The following PCDHA1 variants were observed in gnomAD, a reference collection of about 807,000 sequenced individuals.
The protein encoded by PCDHA1 is protocadherin alpha-1.
Under a neutral mutation model 61.3 loss-of-function variants are expected in PCDHA1, and 42 were observed. The ratio of observed to expected loss-of-function variants is 0.69; its 90% CI spans 0.54 to 0.89. PCDHA1 has a LOEUF of 0.89. Ranked by LOEUF, PCDHA1 falls within the 40% of genes least tolerant of loss-of-function variation. The pLI is 0.00. For synonymous variants in PCDHA1, 610 were observed against 553.8 expected, an observed-to-expected ratio of 1.10 and a Z score of -1.43; for missense variants, 1,256 against 1,235.3, an observed-to-expected ratio of 1.02 and a Z score of -0.25.
At chr5:140,948,564 T>C (rs1329949756) in intron 1 of PCDHA1, among the ~76,000 whole-genome samples, 1 of 151,688 alleles carries the variant, frequency 6.6e-6, no homozygotes, top group Non-Finnish European at 1.5e-5. Flanking sequence ...TTAAGTTGTA[T>C]TTTTTAAAGG....
chr5:140,800,006 T>C (rs1361843384), intron 1 of PCDHA1, among the ~76,000 whole-genome samples: 3 of 152,136 alleles, frequency 2.0e-5, no homozygotes, highest in Non-Finnish European at 4.4e-5. Context: ...TGTTCCTAGG[T>C]TACTTTTCTC....
intron 1 of PCDHA1, chr5:140,842,143 T>C: frequency 6.2e-7 from 1 of 1,613,830 alleles, no homozygotes; most frequent in Non-Finnish European, 8.5e-7. Flanking sequence ...AAGGAGCCAA[T>C]GGGGCAATTT....
intron 3 of PCDHA1, among the ~76,000 whole-genome samples, chr5:140,999,478 T>C (rs2097859281): frequency 6.6e-6 from 1 of 152,172 alleles, no homozygotes; most frequent in Non-Finnish European, 1.5e-5. Flanking sequence ...AGATTCCAAC[T>C]CAAGTCTATG....
intron 3 of PCDHA1, among the ~76,000 whole-genome samples, chr5:140,993,470 ACAC>A: frequency 8.7e-6 from 1 of 115,268 alleles, no homozygotes; most frequent in South Asian, 2.9e-4. Context: ...TCTCACACAC[ACAC>A]ACACACACAC....
At chr5:140,869,304 G>A (rs1554162871) in intron 1 of PCDHA1, 3 of 1,613,648 alleles carry the variant, frequency 1.9e-6, no homozygotes, top group South Asian at 1.1e-5. Context: ...TCCGGGTGGC[G>A]TCCAAAACAC....
chr5:140,928,458 T>C lies in PCDHA1; in HGVS notation c.2395-50491T>C, dbSNP rs1030560254. On this transcript the variant is annotated intron_variant, in intron 1 of 3. Coordinates refer to ENST00000504120, the MANE Select transcript of PCDHA1 (RefSeq NM_018900.4). Reference sequence around the variant, plus strand: ...ACTTTGAGCAGCTCAGGGGGTTTCATTTCCAAGTAGAAGGCCGGGATGGTG... The same window carrying C: ...ACTTTGAGCAGCTCAGGGGGTTTCACTTCCAAGTAGAAGGCCGGGATGGTG... 3.1e-6 allele frequency: 5 copies of C among 1,614,048 alleles called. No homozygotes were observed. In the African/African-American group the frequency reaches 5.3e-5, roughly 17 times the overall value.
chr5:140,885,509 T>C (rs1020233501), intron 1 of PCDHA1, among the ~76,000 whole-genome samples: 36 of 152,208 alleles, frequency 2.4e-4, no homozygotes, highest in Admixed American at 1.4e-3. Flanking sequence ...TGAACCATGC[T>C]GTGCTATCAT....
chr5:140,941,673 A>T (rs1217189957), intron 1 of PCDHA1, among the ~76,000 whole-genome samples: 1 of 152,024 alleles, frequency 6.6e-6, no homozygotes, highest in Non-Finnish European at 1.5e-5. Context: ...TGTCAAGTTC[A>T]ATATTCTGTT....
At chr5:140,836,560 C>T (rs2150264075) in intron 1 of PCDHA1, 2 of 1,613,740 alleles carry the variant, frequency 1.2e-6, no homozygotes, top group South Asian at 1.1e-5. Flanking sequence ...TGCTCAGCGC[C>T]GTCCTCTGAG....
chr5:140,922,162 A>G (rs2080680842), intron 1 of PCDHA1, among the ~76,000 whole-genome samples: 1 of 146,764 alleles, frequency 6.8e-6, no homozygotes, highest in African/African-American at 2.5e-5. Flanking sequence ...AAAAACAACA[A>G]AAAGTACAGC....
chr5:140,926,884 A>G, intron 1 of PCDHA1: 7 of 1,542,402 alleles, frequency 4.5e-6, no homozygotes, highest in Non-Finnish European at 6.1e-6. Flanking sequence ...GTGGACGCCT[A>G]GAGGGAGGAT....
chr5:140,801,305 T>C, intron 1 of PCDHA1: 1 of 1,613,446 alleles, frequency 6.2e-7, no homozygotes, highest in South Asian at 1.1e-5. Flanking sequence ...ACTCCGTCTC[T>C]GAGGAGGCCA....
At chr5:140,802,841 C>A (rs782694897) in intron 1 of PCDHA1, 27 of 1,613,536 alleles carry the variant, frequency 1.7e-5, no homozygotes, top group Non-Finnish European at 2.2e-5. Context: ...TGGGCAGCAA[C>A]GTGACGCTGC....
At chr5:140,819,185 T>A (rs1365698503) in intron 1 of PCDHA1, among the ~76,000 whole-genome samples, 2 of 152,188 alleles carry the variant, frequency 1.3e-5, no homozygotes, top group African/African-American at 4.8e-5. Context: ...AAATGACATA[T>A]GTGCATAAAT....
At chr5:140,963,210 C>T (rs1200019403) in intron 1 of PCDHA1, among the ~76,000 whole-genome samples, 1 of 151,742 alleles carries the variant, frequency 6.6e-6, no homozygotes, top group East Asian at 1.9e-4. Flanking sequence ...AAAAAAACCT[C>T]GTGTTTAGAG....
intron 1 of PCDHA1, among the ~76,000 whole-genome samples, chr5:140,899,128 T>A (rs1217010779): frequency 3.9e-5 from 6 of 152,160 alleles, no homozygotes; most frequent in Non-Finnish European, 7.3e-5. Context: ...CAATCATGTC[T>A]TCTGCAAACA....
rs374163229 is a variant in PCDHA1 at position 140,870,784 on chromosome 5, G to C, written c.2394+82100G>C. 16 of 1,613,456 alleles carry C rather than the reference G, an allele frequency of 9.9e-6. No homozygotes were observed. The African/African-American group carries it at 2.0e-4, about 20-fold the overall frequency. On this transcript the variant is annotated intron_variant, in intron 1 of 3. Transcript: ENST00000504120. ...GTTCGTGCTGGACGAGAACGACAAC[G>C]CGCCGGCACTGCTGGCGACTCAGGC...
intron 1 of PCDHA1, among the ~76,000 whole-genome samples, chr5:140,957,202 A>G (rs75358038): frequency 1.8e-4 from 28 of 152,316 alleles, no homozygotes; most frequent in Non-Finnish European, 2.9e-4. Flanking sequence ...TGGGAATATA[A>G]ATAGGCACAA....
chr5:140,854,244 A>C lies in PCDHA1; in HGVS notation c.2394+65560A>C, dbSNP rs782085298. 42 of 645,742 alleles carry C rather than the reference A, an allele frequency of 6.5e-5. 1 individual carries two copies. The highest frequency in any genetic ancestry group is 7.7e-5 in the Non-Finnish European group (40 of 520,302). 40.0% of individuals were successfully genotyped at this position (645,742 alleles called of 1,614,324 possible). A position where few individuals can be genotyped will look rare whatever the true frequency, so the allele number is the denominator to read the frequency against. ...TCTACATTGGGATATTTATGTTATCACTTGGTATAAAATGTACATTAGTAG... is the reference window on the plus strand; with the variant it reads ...TCTACATTGGGATATTTATGTTATCCCTTGGTATAAAATGTACATTAGTAG... On this transcript the variant is annotated intron_variant, in intron 1 of 3. Coordinates refer to ENST00000504120, the MANE Select transcript of PCDHA1 (RefSeq NM_018900.4).
Sources: gnomAD v4.1 joint callset for allele counts (sites outside exome capture counted in the v4.1 genomes callset) on GRCh38, gnomAD v4.1.1 for gene constraint, MANE v1.5 for transcripts, NCBI Gene and HGNC (gene_info 2026-07-23, HGNC 2026-07-21) for gene names.